The following PWWP2A variants were observed in gnomAD, a reference collection of about 807,000 sequenced individuals.
The protein encoded by PWWP2A is PWWP domain-containing protein 2A.
A neutral mutation model predicts 48.5 loss-of-function variants in PWWP2A; 18 were observed. That is an observed-to-expected ratio of 0.37 (90% CI 0.26 to 0.55). The LOEUF is 0.55. PWWP2A is among the 20% of genes least tolerant of loss of function. The pLI is 0.81. For missense variants in PWWP2A, 867 were observed against 976.4 expected (o/e 0.89, Z 1.49); for synonymous variants, 396 against 387.7 (o/e 1.02, Z -0.25).
intron 2 of PWWP2A, among the ~76,000 whole-genome samples, chr5:160,081,302 G>A (rs1754216167): frequency 7.1e-6 from 1 of 140,496 alleles, no homozygotes; most frequent in Admixed American, 7.7e-5. Flanking sequence ...GCAGTGGCAC[G>A]ATCTCGGCTC....
intron 1 of PWWP2A, among the ~76,000 whole-genome samples, chr5:160,117,171 G>A (rs1758224214): frequency 6.7e-6 from 1 of 150,050 alleles, no homozygotes; most frequent in Non-Finnish European, 1.5e-5. Flanking sequence ...ATGAAAACAG[G>A]AGTGCAGGCC....
intron 1 of PWWP2A, among the ~76,000 whole-genome samples, chr5:160,116,229 AT>A (rs1321093432): frequency 6.6e-6 from 1 of 151,864 alleles, no homozygotes; most frequent in Non-Finnish European, 1.5e-5. Flanking sequence ...TAAGTTTTAT[AT>A]TTTTTTCGTA....
At chr5:160,050,655 G>T in the PWWP2A span, among the ~76,000 whole-genome samples, 1 of 146,830 alleles carries the variant, frequency 6.8e-6, no homozygotes, top group South Asian at 2.2e-4. Flanking sequence ...TTTGAGAAAG[G>T]GTCTCTGACT....
At chr5:160,082,661 G>A (rs1183870883) in intron 2 of PWWP2A, among the ~76,000 whole-genome samples, 2 of 152,118 alleles carry the variant, frequency 1.3e-5, no homozygotes, top group African/African-American at 4.8e-5. Flanking sequence ...CACAGTGCCT[G>A]GTTTGTGAGT....
intron 1 of PWWP2A, chr5:160,113,196 T>G (rs1757771768): frequency 2.0e-6 from 2 of 976,978 alleles, no homozygotes; most frequent in Non-Finnish European, 2.4e-6. Flanking sequence ...CACCTAACAC[T>G]CTGTCCAGTC....
At chr5:160,103,456 T>C (rs140555793) in intron 1 of PWWP2A, among the ~76,000 whole-genome samples, 5 of 152,136 alleles carry the variant, frequency 3.3e-5, no homozygotes, top group African/African-American at 1.2e-4. Context: ...ACTGGTCTGA[T>C]AGTATAAAAC....
intron 1 of PWWP2A, among the ~76,000 whole-genome samples, chr5:160,110,072 G>A (rs1757403143): frequency 1.3e-5 from 2 of 150,614 alleles, no homozygotes; most frequent in South Asian, 4.2e-4. Context: ...CCAGGTTGGA[G>A]TGCAATGGCA....
intron 1 of PWWP2A, among the ~76,000 whole-genome samples, chr5:160,104,334 G>A (rs1269750943): frequency 6.6e-6 from 1 of 151,408 alleles, no homozygotes; most frequent in Admixed American, 6.6e-5. Flanking sequence ...GGGAGGCTGA[G>A]GTGAAAGGAT....
Position 160,077,843 on chromosome 5 carries a change from C to A in PWWP2A, c.*312G>T. The A allele has an allele frequency of 3.0e-6, 1 of 333,684 alleles. No homozygotes were observed. The highest frequency in any genetic ancestry group is 5.6e-6 in the Non-Finnish European group (1 of 178,982). The allele number at this position is 333,684 out of a possible 1,614,324, so 20.7% of individuals were successfully genotyped here. A position where few individuals can be genotyped will look rare whatever the true frequency, so the allele number is the denominator to read the frequency against. On this transcript the variant is annotated 3_prime_UTR_variant, in exon 4 of 4. Coordinates refer to the PWWP2A transcript ENST00000456329. This position sits in a 1 kb window ranked among gnomAD's most constrained non-coding sequence, Gnocchi z 4.2. ...CTGTACTGATAAGAACTTCACATTCCAAAGAAGTTACTGTCAGTGTTTCTT... is the reference window on the plus strand; with the variant it reads ...CTGTACTGATAAGAACTTCACATTCAAAAGAAGTTACTGTCAGTGTTTCTT...
chr5:160,097,077 C>T (rs1463888828), intron 1 of PWWP2A, among the ~76,000 whole-genome samples: 1 of 152,108 alleles, frequency 6.6e-6, no homozygotes, highest in Non-Finnish European at 1.5e-5. Context: ...TGGCTCACGT[C>T]TGCAATCCTA....
chr5:160,107,407 C>A (rs890537220), intron 1 of PWWP2A, among the ~76,000 whole-genome samples: 4 of 152,168 alleles, frequency 2.6e-5, no homozygotes, highest in Admixed American at 6.5e-5. Flanking sequence ...CCTGCCACTA[C>A]AACAAGCTTC....
At chr5:160,098,527 T>C (rs974972889) in intron 1 of PWWP2A, among the ~76,000 whole-genome samples, 1 of 152,210 alleles carries the variant, frequency 6.6e-6, no homozygotes, top group African/African-American at 2.4e-5. Flanking sequence ...GACATTAATT[T>C]TGAAATCAAT....
At chr5:160,117,128 GA>G (rs935726859) in intron 1 of PWWP2A, among the ~76,000 whole-genome samples, 88 of 151,926 alleles carry the variant, frequency 5.8e-4, no homozygotes, top group African/African-American at 2.0e-3. Flanking sequence ...TACATCAATA[GA>G]AAGCACACTC....
intron 1 of PWWP2A, among the ~76,000 whole-genome samples, chr5:160,111,447 C>T (rs985586342): frequency 6.6e-6 from 1 of 151,802 alleles, no homozygotes; most frequent in African/African-American, 2.4e-5. Context: ...GTATTACAGG[C>T]GTGAGCCACC....
chr5:160,113,923 T>TC (rs201288027), intron 1 of PWWP2A, among the ~76,000 whole-genome samples: 1,951 of 152,316 alleles, frequency 0.013, 47 homozygotes, highest in African/African-American at 0.045. Flanking sequence ...TACATCTGAA[T>TC]CTTGCTTTGC....
chr5:160,054,490 CTG>C, the PWWP2A span, among the ~76,000 whole-genome samples: 1 of 152,108 alleles, frequency 6.6e-6, no homozygotes, highest in Non-Finnish European at 1.5e-5. Context: ...TAGCACAAGA[CTG>C]TGGTCCCAGC....
chr5:160,105,046 T>C (rs749600205), intron 1 of PWWP2A, among the ~76,000 whole-genome samples: 1 of 152,042 alleles, frequency 6.6e-6, no homozygotes, highest in Non-Finnish European at 1.5e-5. Context: ...GTTCAAGACA[T>C]TGTTGTTACT....
intron 3 of PWWP2A, chr5:160,080,505 G>A (rs965081415): frequency 4.0e-5 from 28 of 706,830 alleles, no homozygotes; most frequent in South Asian, 1.1e-4. Flanking sequence ...TCACCTACAC[G>A]AGGCACACCC....
chr5:160,090,975 G>A, downstream of PWWP2A: 2 of 985,230 alleles, frequency 2.0e-6, no homozygotes, highest in Non-Finnish European at 2.4e-6. Context: ...CAAAAGCAGT[G>A]ATACATGAGG....
Sources: allele counts gnomAD v4.1 joint callset (sites outside exome capture counted in the v4.1 genomes callset), GRCh38; gene constraint gnomAD v4.1.1; non-coding constraint Gnocchi (gnomAD v3.1); transcripts MANE v1.5; gene names NCBI Gene and HGNC (gene_info 2026-07-23, HGNC 2026-07-21).